Variants in MDFIC2 observed in about 807,000 individuals in gnomAD.
MDFIC2 encodes the protein MyoD family inhibitor domain containing 2, also known as myoD family inhibitor domain-containing protein 2.
Position 70,195,041 on chromosome 3 carries a change from T to C in MDFIC2, c.*1885A>G, listed in dbSNP as rs1311354412. Among the ~76,000 whole-genome samples the C allele has an allele frequency of 2.0e-5, 3 of 152,108 alleles. No individual in the cohort carries two copies. Among genetic ancestry groups the C allele is most frequent in the African/African-American group, 7.2e-5 (3 of 41,424 alleles). ...CACTGAGTACCAGCTGGACTGAGAATTGGGTAGTGCAGGTAGTCAGAAAAT... is the reference window on the plus strand; with the variant it reads ...CACTGAGTACCAGCTGGACTGAGAACTGGGTAGTGCAGGTAGTCAGAAAAT... On this transcript the variant is annotated 3_prime_UTR_variant, in exon 4 of 4. Coordinates refer to ENST00000567252, the MANE Select transcript of MDFIC2 (RefSeq NM_001364677.1).
intron 2 of MDFIC2, among the ~76,000 whole-genome samples, chr3:70,248,130 T>C (rs1013721717): frequency 6.6e-6 from 1 of 152,048 alleles, no homozygotes; most frequent in African/African-American, 2.4e-5. Flanking sequence ...TAATGAACCA[T>C]ATTATTCTCT....
intron 2 of MDFIC2, among the ~76,000 whole-genome samples, chr3:70,259,839 G>T (rs896181395): frequency 2.0e-5 from 3 of 152,090 alleles, no homozygotes. Flanking sequence ...AGCACAGCTG[G>T]GGAGGTCTCA....
At chr3:70,301,963 ACTTTT>A (rs1353434692) in intron 2 of MDFIC2, among the ~76,000 whole-genome samples, 1 of 152,116 alleles carries the variant, frequency 6.6e-6, no homozygotes, top group Non-Finnish European at 1.5e-5. Context: ...ATCATGAAGC[ACTTTT>A]CTTTACTTTC....
Position 70,281,889 on chromosome 3 carries a change from C to A in MDFIC2, c.88+29997G>T, listed in dbSNP as rs150732676. Among the ~76,000 whole-genome samples, 235 of 152,200 alleles carry A rather than the reference C, an allele frequency of 1.5e-3. 4 individuals carry two copies. Among genetic ancestry groups the A allele is most frequent in the Middle Eastern group, 6.8e-3 (2 of 294 alleles). On this transcript the variant is annotated intron_variant, in intron 2 of 3. Coordinates refer to ENST00000567252, the MANE Select transcript of MDFIC2 (RefSeq NM_001364677.1). ...AGTTCATCATACCTTGGGTGAGGCC[C>A]ATGAAATCTTCAGTTTTAAAAAGCA...
At chr3:70,207,603 G>T (rs1701304895) in intron 2 of MDFIC2, among the ~76,000 whole-genome samples, 2 of 151,706 alleles carry the variant, frequency 1.3e-5, no homozygotes, top group Admixed American at 1.3e-4. Flanking sequence ...ACAAATCCTA[G>T]ATACACAGAT....
At chr3:70,272,176 A>G (rs1174267330) in intron 2 of MDFIC2, 2 of 152,350 alleles carry the variant, frequency 1.3e-5, no homozygotes, top group South Asian at 2.1e-4. Context: ...AATAAAATGT[A>G]CCCATTCCAA....
At chr3:70,198,211 GA>G (rs1298807444) in intron 3 of MDFIC2, among the ~76,000 whole-genome samples, 2 of 152,050 alleles carry the variant, frequency 1.3e-5, no homozygotes, top group Non-Finnish European at 2.9e-5. Context: ...ATGAATTAGA[GA>G]AAAAATTTCT....
At chr3:70,279,323 G>T (rs2106679736) in intron 2 of MDFIC2, among the ~76,000 whole-genome samples, 1 of 152,144 alleles carries the variant, frequency 6.6e-6, no homozygotes, top group Non-Finnish European at 1.5e-5. Flanking sequence ...CATATGGAGT[G>T]GGTGATACAG....
rs548938834 is a variant in MDFIC2, at chr3:70,198,967, C to T, written c.311-1782G>A. On this transcript the variant is annotated intron_variant, in intron 3 of 3. Transcript: ENST00000567252. Reference sequence around the variant, plus strand: ...TGGTCAAAGATGAGGGACATACAACCTCATCGAGTTTTACCAATATGAAGA... The same window carrying T: ...TGGTCAAAGATGAGGGACATACAACTTCATCGAGTTTTACCAATATGAAGA... Among the ~76,000 whole-genome samples, 3 of 152,246 alleles carry T rather than the reference C, an allele frequency of 2.0e-5. No homozygotes were observed. The South Asian group carries it at 6.2e-4, about 32-fold the overall frequency.
intron 3 of MDFIC2, chr3:70,204,506 C>T (rs1001277434): frequency 6.6e-6 from 1 of 152,084 alleles, no homozygotes; most frequent in Admixed American, 6.6e-5. Context: ...CTTACTTCAC[C>T]GGGGAGATTT....
At chr3:70,218,834 C>G (rs1293610613) in intron 2 of MDFIC2, among the ~76,000 whole-genome samples, 2 of 152,134 alleles carry the variant, frequency 1.3e-5, no homozygotes, top group Non-Finnish European at 2.9e-5. Context: ...CTACAGTTTG[C>G]TCTTTGTCCA....
rs114442963 is a variant in MDFIC2 at position 70,227,121 on chromosome 3, T to G, written c.89-20331A>C. Among the ~76,000 whole-genome samples the G allele has an allele frequency of 8.5e-3, 1,292 of 152,226 alleles. 21 individuals are homozygous for G. The highest frequency in any genetic ancestry group is 0.029 in the African/African-American group (1,218 of 41,512). On this transcript the variant is annotated intron_variant, in intron 2 of 3. Coordinates refer to ENST00000567252, the MANE Select transcript of MDFIC2 (RefSeq NM_001364677.1). Reference sequence around the variant, plus strand: ...TATCCAAGTTCCCTTAACTCCTGTGTAAGATACTTGAAATACAGGTTAAAG... The same window carrying G: ...TATCCAAGTTCCCTTAACTCCTGTGGAAGATACTTGAAATACAGGTTAAAG...
intron 2 of MDFIC2, among the ~76,000 whole-genome samples, chr3:70,279,164 A>C (rs1702056691): frequency 6.6e-6 from 1 of 151,178 alleles, no homozygotes; most frequent in Non-Finnish European, 1.5e-5. Flanking sequence ...AATAAGTGCC[A>C]TTCCATATTT....
chr3:70,288,888 CT>C (rs1390338675), intron 2 of MDFIC2, among the ~76,000 whole-genome samples: 1 of 151,246 alleles, frequency 6.6e-6, no homozygotes, highest in African/African-American at 2.4e-5. Flanking sequence ...CAACCCCTGC[CT>C]TTTTTTGTTT....
intron 2 of MDFIC2, among the ~76,000 whole-genome samples, chr3:70,212,210 A>G (rs953871645): frequency 9.2e-5 from 14 of 152,274 alleles, no homozygotes; most frequent in African/African-American, 3.4e-4. Context: ...TCAGAGAAGC[A>G]CAACAAATGG....
intron 2 of MDFIC2, among the ~76,000 whole-genome samples, chr3:70,218,640 G>A (rs887321372): frequency 4.6e-5 from 7 of 152,058 alleles, no homozygotes; most frequent in Non-Finnish European, 1.5e-5. Flanking sequence ...AAGTACTTGG[G>A]TGGCATAACA....
intron 3 of MDFIC2, among the ~76,000 whole-genome samples, chr3:70,199,925 C>G (rs946677818): frequency 3.3e-5 from 5 of 152,180 alleles, no homozygotes; most frequent in Non-Finnish European, 5.9e-5. Flanking sequence ...CAAGGCCAAA[C>G]TGCATTTTGG....
chr3:70,276,770 G>C (rs1282116160), intron 2 of MDFIC2, among the ~76,000 whole-genome samples: 1 of 152,148 alleles, frequency 6.6e-6, no homozygotes, highest in Non-Finnish European at 1.5e-5. Flanking sequence ...TGGCAGAATT[G>C]AATAGTTGTG....
At chr3:70,231,069 A>G (rs888568745) in intron 2 of MDFIC2, among the ~76,000 whole-genome samples, 1 of 152,178 alleles carries the variant, frequency 6.6e-6, no homozygotes, top group African/African-American at 2.4e-5. Context: ...CTTTTCTACC[A>G]TTCCTGACAT....
Sources: gnomAD v4.1 joint callset for allele counts (sites outside exome capture counted in the v4.1 genomes callset) on GRCh38, gnomAD v4.1.1 for gene constraint, MANE v1.5 for transcripts, NCBI Gene and HGNC (gene_info 2026-07-23, HGNC 2026-07-21) for gene names.